TREML4: variants seen among roughly 807,000 people sequenced by gnomAD.
TREML4 encodes the protein triggering receptor expressed on myeloid cells like 4, also known as trem-like transcript 4 protein.
A neutral mutation model predicts 25.4 loss-of-function variants in TREML4; 25 were observed. The observed-to-expected ratio is 0.98, with a 90% CI of 0.72 to 1.37. The LOEUF is 1.37. TREML4 is among the 40% of genes most tolerant of loss of function. The pLI is 0.00. For synonymous variants in TREML4, 92 were observed against 87.9 expected, an observed-to-expected ratio of 1.05 and a Z score of -0.26; for missense variants, 268 against 236.5, an observed-to-expected ratio of 1.13 and a Z score of -0.87.
chr6:41,229,448 T>G, intron 2 of TREML4, 73 bp from the exon 3 acceptor site: 1 of 1,554,052 alleles, frequency 6.4e-7, no homozygotes, highest in Non-Finnish European at 8.9e-7. Context: ...CCCTACCTCC[T>G]CTTATGTATG....
intron 1 of TREML4, 62 bp downstream of exon 1, chr6:41,228,552 G>A: frequency 6.4e-7 from 1 of 1,558,984 alleles, no homozygotes; most frequent in Non-Finnish European, 8.7e-7. Flanking sequence ...AGTGGGGCAG[G>A]GAGCAGCATG....
Position 41,228,354 on chromosome 6 carries a change from C to A in TREML4, c.-74C>A. ...TGGGAACCTGGGGCAGAATCAGACC[C>A]AGCGTCTGACTCCTCCTGAGAGGGC... On this transcript the variant is annotated 5_prime_UTR_variant, in exon 1 of 6. Transcript: ENST00000341495. 1 of 937,860 alleles carries A rather than the reference C, an allele frequency of 1.1e-6. No homozygotes were observed. The highest frequency in any genetic ancestry group is 1.7e-5 in the South Asian group (1 of 59,952). The allele number at this position is 937,860 out of a possible 1,614,324, so 58.1% of individuals were successfully genotyped here. A position where few individuals can be genotyped will look rare whatever the true frequency, so the allele number is the denominator to read the frequency against.
At chr6:41,232,895 C>T (rs2113941069) in intron 4 of TREML4, among the ~76,000 whole-genome samples, 1 of 152,294 alleles carries the variant, frequency 6.6e-6, no homozygotes, top group African/African-American at 2.4e-5. Flanking sequence ...CAGCCACTCC[C>T]CTCCCGCTGT....
chr6:41,235,616 G>A (rs6907062), intron 4 of TREML4, among the ~76,000 whole-genome samples: 6,361 of 152,256 alleles, frequency 0.042, 410 homozygotes, highest in African/African-American at 0.14. Context: ...ACCAAGACCT[G>A]TTTGGAGAAA....
rs921015109 is a variant in TREML4 at position 41,228,862 on chromosome 6, A to G, written c.212A>G (p.Lys71Arg). 1.9e-5 allele frequency: 30 copies of G among 1,613,994 alleles called. No individual in the cohort carries two copies. Among genetic ancestry groups the G allele is most frequent in the Non-Finnish European group, 2.4e-5 (28 of 1,180,006 alleles). Residue 71 changes from lysine (K) to arginine (R), a missense_variant, in exon 2 of 6, where the codon AAG becomes AGG. Coordinates refer to ENST00000341495, the MANE Select transcript of TREML4 (RefSeq NM_198153.3). ...TGTACCTTACTTGTCACCAGCTCCA[A>G]GCCCTGGACAGCAGTTCAGAAGTCT... Reference protein sequence around the residue: ...SRCTLLVTSSKPWTAVQKSHY... With the variant: ...SRCTLLVTSSRPWTAVQKSHY...
At chr6:41,231,708 A>T (rs1040019219) in intron 4 of TREML4, among the ~76,000 whole-genome samples, 3 of 152,202 alleles carry the variant, frequency 2.0e-5, no homozygotes, top group Non-Finnish European at 1.5e-5. Flanking sequence ...CTGTAAGAAG[A>T]GTGAGGAATT....
intron 4 of TREML4, among the ~76,000 whole-genome samples, chr6:41,235,956 C>A (rs1242223477): frequency 6.6e-6 from 1 of 151,766 alleles, no homozygotes; most frequent in Non-Finnish European, 1.5e-5. Flanking sequence ...ACAGGGTAGT[C>A]CTAGATCAGA....
In TREML4 at chr6:41,228,886, C is replaced by G. The variant is rs1247295253; in HGVS notation, c.236C>G (p.Ser79Cys). 6.2e-7 allele frequency: 1 copy of G among 1,614,180 alleles called. No homozygotes were observed. Among genetic ancestry groups the G allele is most frequent in the South Asian group, 1.1e-5 (1 of 91,080 alleles). Residue 79 changes from serine (S) to cysteine (C), a missense_variant, in exon 2 of 6, where the codon TCT (serine) becomes TGT (cysteine). Ser to Cys is a moderately radical substitution (Grantham distance 112). Coordinates refer to ENST00000341495, the MANE Select transcript of TREML4 (RefSeq NM_198153.3). Reference sequence around the variant, plus strand: ...AAGCCCTGGACAGCAGTTCAGAAGTCTCATTACACAATCTGGGACAAGCCC... The same window carrying G: ...AAGCCCTGGACAGCAGTTCAGAAGTGTCATTACACAATCTGGGACAAGCCC... ...SSKPWTAVQK[S>C]HYTIWDKPNA...
chr6:41,232,183 A>C (rs1766812971), intron 4 of TREML4, among the ~76,000 whole-genome samples: 1 of 152,216 alleles, frequency 6.6e-6, no homozygotes, highest in Non-Finnish European at 1.5e-5. Flanking sequence ...GAAATCATAA[A>C]ACCTCTGGAT....
chr6:41,236,604 T>G lies in TREML4; in HGVS notation c.*22T>G, dbSNP rs746458391. The G allele has an allele frequency of 6.3e-7, 1 of 1,578,870 alleles. No individual in the cohort carries two copies. Among genetic ancestry groups the G allele is most frequent in the Non-Finnish European group, 8.7e-7 (1 of 1,148,280 alleles). ...GTGAGTCCTGTTAGTGCTCCTGATCTGCAGGTGCCACAGGTGAGGGGGCCT... is the reference window on the plus strand; with the variant it reads ...GTGAGTCCTGTTAGTGCTCCTGATCGGCAGGTGCCACAGGTGAGGGGGCCT... On this transcript the variant is annotated 3_prime_UTR_variant, in exon 5 of 6. Transcript: ENST00000341495.
rs556608217 is a variant in TREML4 at position 41,228,371 on chromosome 6, TGA to T, written c.-53_-52del. The T allele has an allele frequency of 1.4e-4, 192 of 1,392,330 alleles. 1 individual carries two copies. In the African/African-American group the frequency reaches 2.5e-3, roughly 18 times the overall value. 86.2% of individuals were successfully genotyped at this position (1,392,330 alleles called of 1,614,324 possible). ...ATCAGACCCAGCGTCTGACTCCTCC[TGA>T]GAGGGCTCCCTTTTTTCTCCTCTCC... On this transcript the variant is annotated 5_prime_UTR_variant, in exon 1 of 6. Coordinates refer to ENST00000341495, the MANE Select transcript of TREML4 (RefSeq NM_198153.3).
At position 41,230,097 on chromosome 6, in the gene TREML4, C is replaced by A; in HGVS notation, c.481C>A (p.Pro161Thr). ...TTCTCCAGAGGGGACCTCTGGCCAT[C>A]CCTCCATCAATGGCTCTGAGACCAG... ...ITSPEGTSGH[P>T]SINGSETRKS... Residue 161 changes from proline (P) to threonine (T), a missense_variant, in exon 4 of 6, where the codon CCC becomes ACC. Transcript: ENST00000341495. The A allele has an allele frequency of 1.9e-6, 3 of 1,611,984 alleles. No individual in the cohort carries two copies. In the South Asian group the frequency reaches 3.3e-5, roughly 18 times the overall value.
intron 5 of TREML4, among the ~76,000 whole-genome samples, 173 bp downstream of exon 5, chr6:41,236,790 G>C (rs1218648606): frequency 1.3e-5 from 2 of 152,180 alleles, no homozygotes; most frequent in African/African-American, 4.8e-5. Context: ...ACAGACCTTA[G>C]AAAGAGACAG....
intron 4 of TREML4, among the ~76,000 whole-genome samples, chr6:41,234,057 G>A (rs1182369540): frequency 6.6e-6 from 1 of 151,706 alleles, no homozygotes; most frequent in Non-Finnish European, 1.5e-5. Flanking sequence ...TCAAATACAT[G>A]AAATGTATTT....
intron 4 of TREML4, among the ~76,000 whole-genome samples, chr6:41,234,838 A>G (rs115252352): frequency 0.012 from 1,803 of 151,338 alleles, 14 homozygotes; most frequent in Non-Finnish European, 0.019. Flanking sequence ...GTTGCAGAAA[A>G]TAGAAAAGAA....
intron 4 of TREML4, among the ~76,000 whole-genome samples, chr6:41,230,442 C>G (rs1376578870): frequency 6.6e-6 from 1 of 152,150 alleles, no homozygotes; most frequent in Non-Finnish European, 1.5e-5. Context: ...TGAATAGAGT[C>G]ACTGCAGCCT....
intron 1 of TREML4, 103 bp downstream of exon 1, chr6:41,228,593 C>A: frequency 6.7e-7 from 1 of 1,488,722 alleles, no homozygotes; most frequent in Non-Finnish European, 9.1e-7. Flanking sequence ...AATTTAGGGG[C>A]CCTCTTCCAT....
Position 41,228,406 on chromosome 6 carries a change from TCAGAAA to T in TREML4, c.-17_-12del. 1 of 1,598,452 alleles carries T rather than the reference TCAGAAA, an allele frequency of 6.3e-7. No homozygotes were observed. The highest frequency in any genetic ancestry group is 8.5e-7 in the Non-Finnish European group (1 of 1,171,958). On this transcript the variant is annotated 5_prime_UTR_variant, in exon 1 of 6. Transcript: ENST00000341495. ...CCCTTTTTTCTCCTCTCCTCCGCTGTCAGAAACAGATCTGGGCTGGAATGGCCTGGG... is the reference window on the plus strand; with the variant it reads ...CCCTTTTTTCTCCTCTCCTCCGCTGTCAGATCTGGGCTGGAATGGCCTGGG...
In TREML4 at chr6:41,228,364, C is replaced by CT; in HGVS notation, c.-63dup. 9.1e-7 allele frequency: 1 copy of CT among 1,103,918 alleles called. No homozygotes were observed. The highest frequency in any genetic ancestry group is 1.5e-5 in the South Asian group (1 of 65,576). 68.4% of individuals were successfully genotyped at this position (1,103,918 alleles called of 1,614,324 possible). A position where few individuals can be genotyped will look rare whatever the true frequency, so the allele number is the denominator to read the frequency against. ...GGGCAGAATCAGACCCAGCGTCTGA[C>CT]TCCTCCTGAGAGGGCTCCCTTTTTT... On this transcript the variant is annotated 5_prime_UTR_variant, in exon 1 of 6. Coordinates refer to ENST00000341495, the MANE Select transcript of TREML4 (RefSeq NM_198153.3).
Sources: allele counts gnomAD v4.1 joint callset (sites outside exome capture counted in the v4.1 genomes callset), GRCh38; gene constraint gnomAD v4.1.1; transcripts MANE v1.5; gene names NCBI Gene and HGNC (gene_info 2026-07-23, HGNC 2026-07-21).